The following CACNA1A variants were observed in gnomAD, a reference collection of about 807,000 sequenced individuals.
CACNA1A encodes voltage-dependent P/Q-type calcium channel subunit alpha-1A.
Under a neutral mutation model 262.4 loss-of-function variants are expected in CACNA1A, and 57 were observed. That is an observed-to-expected ratio of 0.22 (90% CI 0.18 to 0.27). The LOEUF (loss-of-function observed/expected upper bound fraction) is 0.27, where lower values mean the gene tolerates loss of function less well. CACNA1A is among the 10% of genes least tolerant of loss of function. CACNA1A has a pLI of 1.00. For missense variants in CACNA1A, 2,526 were observed against 3,562.8 expected, an observed-to-expected ratio of 0.71 and a Z score of 7.41; for synonymous variants, 1,431 against 1,419.3, an observed-to-expected ratio of 1.01 and a Z score of -0.18.
Position 13,346,639 on chromosome 19 carries a change from TATATATATATA to T in CACNA1A, c.979-10741_979-10731del, listed in dbSNP as rs2058774913. 3.4e-4 allele frequency among the ~76,000 whole-genome samples: 3 copies of T among 8,864 alleles called. 1 individual carries two copies. The highest frequency in any genetic ancestry group is 3.3e-3 in the Admixed American group (2 of 610). 5.8% of individuals were successfully genotyped at this position (8,864 alleles called of 152,430 possible). A position where few individuals can be genotyped will look rare whatever the true frequency, so the allele number is the denominator to read the frequency against. The stretch of plus-strand genomic sequence containing the variant: ...GATTATATATATATATATATATATA[TATATATATATA>T]TATATATATATATATATTTTTTTTT... On this transcript the variant is annotated intron_variant, in intron 6 of 46. Transcript: ENST00000360228.
intron 36 of CACNA1A, 84 bp downstream of exon 36, chr19:13,229,998 A>G (rs761608645): frequency 4.6e-5 from 69 of 1,496,692 alleles, no homozygotes; most frequent in Non-Finnish European, 6.1e-5. Flanking sequence ...TCAGTGCTCC[A>G]GAGTCTGGGG....
intron 1 of CACNA1A, among the ~76,000 whole-genome samples, chr19:13,483,318 G>A (rs1283669177): frequency 1.3e-5 from 2 of 152,120 alleles, no homozygotes; most frequent in Non-Finnish European, 2.9e-5. Flanking sequence ...CATTCGTATT[G>A]CCTTAAGCTA....
intron 1 of CACNA1A, 111 bp downstream of exon 1, chr19:13,505,821 C>A (rs1328832062): frequency 7.9e-6 from 9 of 1,138,676 alleles, no homozygotes; most frequent in African/African-American, 1.5e-5. Context: ...GGAAGACCCC[C>A]CTCCTCCCCA....
chr19:13,325,047 C>T (rs72995577), intron 10 of CACNA1A, among the ~76,000 whole-genome samples: 3 of 150,414 alleles, frequency 2.0e-5, no homozygotes, highest in Non-Finnish European at 3.0e-5. Flanking sequence ...CTTCTTCTTC[C>T]TCTTCCCCTT....
intron 34 of CACNA1A, among the ~76,000 whole-genome samples, chr19:13,232,157 T>C (rs2055685970): frequency 6.6e-6 from 1 of 151,996 alleles, no homozygotes; most frequent in Non-Finnish European, 1.5e-5. Flanking sequence ...TTTTCTTTTC[T>C]TTTCCTTCTC....
intron 24 of CACNA1A, among the ~76,000 whole-genome samples, chr19:13,266,194 G>A (rs891823989): frequency 6.6e-6 from 1 of 151,962 alleles, no homozygotes; most frequent in Non-Finnish European, 1.5e-5. Flanking sequence ...AATGCTGGTT[G>A]TAAGTGGATA....
Position 13,393,650 on chromosome 19 carries a change from CTCTG to C in CACNA1A, c.540-21875_540-21872del, listed in dbSNP as rs199593541. Among the ~76,000 whole-genome samples, 1,343 of 144,844 alleles carry C rather than the reference CTCTG, an allele frequency of 9.3e-3. 20 individuals carry two copies. The highest frequency in any genetic ancestry group is 0.033 in the African/African-American group (1,284 of 39,052). On this transcript the variant is annotated intron_variant, in intron 3 of 46. Transcript: ENST00000360228. Reference sequence around the variant, plus strand: ...TCTTTCTTTAGCTTTCTCTTTCTTTCTCTGTCTTCCTCTTTTCTTTCTTTCTCTT... The same window carrying C: ...TCTTTCTTTAGCTTTCTCTTTCTTTCTCTTCCTCTTTTCTTTCTTTCTCTT...
intron 12 of CACNA1A, among the ~76,000 whole-genome samples, chr19:13,310,712 T>C (rs757409747): frequency 6.6e-6 from 1 of 151,282 alleles, no homozygotes; most frequent in Admixed American, 6.6e-5. Context: ...AAAATATTTA[T>C]CTGTTCTACA....
intron 10 of CACNA1A, among the ~76,000 whole-genome samples, chr19:13,317,982 T>C (rs1263176095): frequency 6.6e-6 from 1 of 151,982 alleles, no homozygotes; most frequent in African/African-American, 2.4e-5. Context: ...TGAAAAGTGC[T>C]ATGGGAAAAA....
In CACNA1A at chr19:13,214,250, C is replaced by T. The variant is rs1166332993; in HGVS notation, c.5923G>A (p.Ala1975Thr). ...CAGCGCACCTGCTCCTCGCGCATGG[C>T]CTGCAGCTTCTTGGCCTTGCTCTGC... ...YRQSKAKKLQ[A>T]MREEQDRTPL... Residue 1975 changes from alanine to threonine, a missense_variant, in exon 40 of 47, where the codon GCC becomes ACC. By Grantham distance (58) the Ala-to-Thr change is moderately conservative. Around this residue, in one of 17 missense-constraint regions of CACNA1A, gnomAD observed 929 missense variants for 868.1 expected, o/e 1.07. Coordinates refer to ENST00000360228, the MANE Select transcript of CACNA1A (RefSeq NM_001127222.2). This position sits in a 1 kb window ranked among gnomAD's most constrained non-coding sequence, Gnocchi z 4.1. 1 of 1,610,450 alleles carries T rather than the reference C, an allele frequency of 6.2e-7. No individual in the cohort carries two copies. Among genetic ancestry groups the T allele is most frequent in the Middle Eastern group, 1.6e-4 (1 of 6,062 alleles).
chr19:13,506,166 G>A lies in CACNA1A; in HGVS notation c.59C>T (p.Ala20Val). 6.5e-7 allele frequency: 1 copy of A among 1,542,610 alleles called. No individual in the cohort carries two copies. The highest frequency in any genetic ancestry group is 8.7e-7 in the Non-Finnish European group (1 of 1,144,460). Residue 20 changes from alanine to valine, a missense_variant, in exon 1 of 47, where the codon GCC becomes GTC. This residue lies in a region of CACNA1A where 65 missense variants were observed against 75.6 expected (regional missense o/e 0.86). Coordinates refer to ENST00000360228, the MANE Select transcript of CACNA1A (RefSeq NM_001127222.2). ...TCCGCTGCCCACGACCACCCCGGCG[G>A]CTGCCCCGGAGCCTCCTCCCCCGTA... ...ARYGGGGSGAAAGVVVGSGGG... is the reference protein window; with the variant it reads ...ARYGGGGSGAVAGVVVGSGGG...
intron 17 of CACNA1A, among the ~76,000 whole-genome samples, chr19:13,301,731 A>C (rs1351661194): frequency 6.6e-6 from 1 of 152,262 alleles, no homozygotes; most frequent in Non-Finnish European, 1.5e-5. Flanking sequence ...CCCGCCCATA[A>C]GAAAAGTCAT....
chr19:13,292,766 T>C (rs947267657), intron 19 of CACNA1A, among the ~76,000 whole-genome samples: 3 of 152,212 alleles, frequency 2.0e-5, no homozygotes, highest in Non-Finnish European at 4.4e-5. Flanking sequence ...AAAATGTCTT[T>C]TTATTATTTT....
intron 22 of CACNA1A, among the ~76,000 whole-genome samples, chr19:13,282,579 T>C (rs7252316): frequency 0.12 from 17,799 of 151,856 alleles, 1,056 homozygotes; most frequent in Middle Eastern, 0.14. Context: ...AGTGGGAGCT[T>C]TGGGGGATGC....
In CACNA1A at chr19:13,212,681, TC is replaced by T; in HGVS notation, c.5999del (p.Gly2000AspfsTer18). The T allele has an allele frequency of 6.6e-7, 1 of 1,508,988 alleles. No individual in the cohort carries two copies. The highest frequency in any genetic ancestry group is 2.3e-5 in the Admixed American group (1 of 44,066). The allele number at this position is 1,508,988 out of a possible 1,614,324, so 93.5% of individuals were successfully genotyped here. On this transcript the variant is annotated frameshift_variant, in exon 41 of 47. Transcript: ENST00000360228. LOFTEE classifies it high-confidence loss of function. This position sits in a 1 kb window ranked among gnomAD's most constrained non-coding sequence, Gnocchi z 5.6. ...MEPPSPTQEG[G>X]PGQNALPSTQ... ...TGGAGGGGAGGGCGTTCTGGCCAGG[TC>T]CCCCTTCCTGCGTTGGGGACGGGGG... is the stretch of plus-strand genomic sequence containing the variant.
At chr19:13,271,998 G>A (rs1020326010) in intron 24 of CACNA1A, 3 of 152,196 alleles carry the variant, frequency 2.0e-5, no homozygotes, top group Non-Finnish European at 4.4e-5. Flanking sequence ...TGCCCAGGCT[G>A]GTCTTGAACT....
chr19:13,472,488 A>T (rs1055811195), intron 1 of CACNA1A, among the ~76,000 whole-genome samples: 1 of 152,094 alleles, frequency 6.6e-6, no homozygotes, highest in African/African-American at 2.4e-5. Context: ...GTCTCTGCCA[A>T]CTTCTTGGGT....
chr19:13,228,579 GCT>G (rs1376812420), intron 36 of CACNA1A: 2 of 242,492 alleles, frequency 8.2e-6, no homozygotes, highest in Non-Finnish European at 1.5e-5. Flanking sequence ...AAGAGAGATG[GCT>G]CTGTTTTTTT....
chr19:13,397,435 A>G (rs945664635), intron 3 of CACNA1A, among the ~76,000 whole-genome samples: 3 of 152,186 alleles, frequency 2.0e-5, no homozygotes, highest in Admixed American at 6.5e-5. Flanking sequence ...GGAAGAAGAT[A>G]GGAATGTCCC....
Sources: gnomAD v4.1 joint callset for allele counts (sites outside exome capture counted in the v4.1 genomes callset) on GRCh38, gnomAD v4.1.1 for gene constraint, gnomAD v4.1.1 regional missense constraint, Gnocchi (gnomAD v3.1) non-coding constraint, MANE v1.5 for transcripts, NCBI Gene and HGNC (gene_info 2026-07-23, HGNC 2026-07-21) for gene names.